The following CACNA1E variants were observed in gnomAD, a reference collection of about 807,000 sequenced individuals.
CACNA1E encodes the protein calcium voltage-gated channel subunit alpha1 E.
In CACNA1E, 40 loss-of-function variants were observed where a neutral mutation model predicts 259.2. The ratio of observed to expected loss-of-function variants is 0.15; its 90% CI spans 0.12 to 0.20. The LOEUF (loss-of-function observed/expected upper bound fraction) is 0.20. Ranked by LOEUF, CACNA1E falls within the 10% of genes least tolerant of loss-of-function variation. The pLI, the probability that CACNA1E is intolerant of heterozygous loss-of-function variation, is 1.00. For synonymous variants in CACNA1E, 1,104 were observed against 1,138.5 expected (o/e 0.97, Z 0.61); for missense variants, 1,874 against 3,040.1 (o/e 0.62, Z 9.02).
chr1:181,568,607 T>C (rs376270503), intron 3 of CACNA1E, among the ~76,000 whole-genome samples: 4 of 143,124 alleles, frequency 2.8e-5, no homozygotes, highest in East Asian at 2.0e-4. Flanking sequence ...TTCATTCATT[T>C]ATTTTTGAGA....
chr1:181,716,090 G>A lies in CACNA1E; in HGVS notation c.1276G>A (p.Asp426Asn). 1 of 1,573,002 alleles carries A rather than the reference G, an allele frequency of 6.4e-7. No individual in the cohort carries two copies. Among genetic ancestry groups the A allele is most frequent in the Non-Finnish European group, 8.6e-7 (1 of 1,158,532 alleles). Residue 426 changes from aspartate to asparagine, a missense_variant, in exon 10 of 48, where the codon GAC becomes AAC. Physicochemically the swap from Asp to Asn is conservative, Grantham distance 23. Coordinates refer to ENST00000367573, the MANE Select transcript of CACNA1E (RefSeq NM_001205293.3). ...GAGCCGGACAGAGGCCATGACTCGA[G>A]ACTCCAGTGATGAGCACTGTGTTGA... ...KRSRTEAMTR[D>N]SSDEHCVDIS...
In CACNA1E at chr1:181,732,215, C is replaced by T. The variant is rs541977982; in HGVS notation, c.2298-169C>T. 2.6e-4 allele frequency among the ~76,000 whole-genome samples: 40 copies of T among 152,296 alleles called. No homozygotes were observed. The highest frequency in any genetic ancestry group is 1.4e-3 in the South Asian group (7 of 4,828). Reference sequence around the variant, plus strand: ...AGGCACCTGCCTGATGAGCTCCTCACGTGTGGCCCGCCTGCTCCTCGCATC... The same window carrying T: ...AGGCACCTGCCTGATGAGCTCCTCATGTGTGGCCCGCCTGCTCCTCGCATC... On this transcript the variant is annotated intron_variant, in intron 19 of 47. Coordinates refer to ENST00000367573, the MANE Select transcript of CACNA1E (RefSeq NM_001205293.3). The surrounding 1 kb of genome is among the most constrained non-coding windows in gnomAD (Gnocchi z 5.5).
intron 18 of CACNA1E, among the ~76,000 whole-genome samples, chr1:181,730,798 G>A (rs563607921): frequency 2.0e-5 from 3 of 152,324 alleles, no homozygotes; most frequent in Middle Eastern, 6.8e-3. Context: ...ACTCGGGGGA[G>A]GGGAAGAAAA....
chr1:181,646,189 G>A (rs1452446404), intron 6 of CACNA1E, among the ~76,000 whole-genome samples: 1 of 152,212 alleles, frequency 6.6e-6, no homozygotes, highest in Non-Finnish European at 1.5e-5. Context: ...ATCTCTCCTC[G>A]AGATGGAGCC....
chr1:181,548,892 T>C (rs1161406361), intron 3 of CACNA1E, among the ~76,000 whole-genome samples: 3 of 152,238 alleles, frequency 2.0e-5, no homozygotes, highest in Non-Finnish European at 4.4e-5. Context: ...ATGGGATTTT[T>C]ATTGTTTTCT....
chr1:181,794,672 C>CATAAT (rs2102891310), intron 45 of CACNA1E, among the ~76,000 whole-genome samples, 192 bp from the exon 46 acceptor site: 1 of 152,320 alleles, frequency 6.6e-6, no homozygotes, highest in Non-Finnish European at 1.5e-5. Context: ...ACTATATTAA[C>CATAAT]ATAATGTAAG....
At chr1:181,702,276 G>A (rs1652346312) in intron 7 of CACNA1E, among the ~76,000 whole-genome samples, 1 of 151,904 alleles carries the variant, frequency 6.6e-6, no homozygotes. Context: ...TCGTCCACCA[G>A]CCAGCAAGTC....
At chr1:181,744,646 G>A (rs970840992) in intron 25 of CACNA1E, among the ~76,000 whole-genome samples, 7 of 152,266 alleles carry the variant, frequency 4.6e-5, no homozygotes, top group African/African-American at 9.6e-5. Context: ...AACCTCCAGC[G>A]TTGCCTATGG....
rs147689269 is a variant in CACNA1E, at chr1:181,642,329, G to A, written c.952-9009G>A. On this transcript the variant is annotated intron_variant, in intron 6 of 47. Coordinates refer to ENST00000367573, the MANE Select transcript of CACNA1E (RefSeq NM_001205293.3). ...GGAAATAGTGATTTGTTAGTAAGAG[G>A]GGAGAGGGGAACATCAGGAAAAGCA... is the stretch of plus-strand genomic sequence containing the variant. Among the ~76,000 whole-genome samples, 549 of 152,262 alleles carry A rather than the reference G, an allele frequency of 3.6e-3. 2 individuals are homozygous for A. The highest frequency in any genetic ancestry group is 0.013 in the African/African-American group (524 of 41,534).
At chr1:181,534,679 G>A (rs1668036691) in intron 3 of CACNA1E, among the ~76,000 whole-genome samples, 1 of 151,934 alleles carries the variant, frequency 6.6e-6, no homozygotes, top group African/African-American at 2.4e-5. Context: ...AAGAAAAGAA[G>A]TAGTAGGCAA....
chr1:181,351,213 C>T (rs962903523), intron 1 of CACNA1E, among the ~76,000 whole-genome samples: 8 of 152,148 alleles, frequency 5.3e-5, no homozygotes, highest in African/African-American at 1.4e-4. Context: ...ACTCCTGAGC[C>T]GTGGGGGGAT....
chr1:181,778,920 T>C (rs1388960498), intron 38 of CACNA1E, among the ~76,000 whole-genome samples: 2 of 152,242 alleles, frequency 1.3e-5, no homozygotes, highest in African/African-American at 4.8e-5. Context: ...TGCTCCTTGC[T>C]AATTAGCCTA....
chr1:181,793,398 G>C (rs141962136), intron 44 of CACNA1E, among the ~76,000 whole-genome samples: 3 of 152,250 alleles, frequency 2.0e-5, no homozygotes, highest in African/African-American at 4.8e-5. Flanking sequence ...AATAAAATCT[G>C]AATCATTGCT....
intron 2 of CACNA1E, among the ~76,000 whole-genome samples, chr1:181,422,621 G>C (rs1249352027): frequency 6.6e-6 from 1 of 152,178 alleles, no homozygotes; most frequent in Admixed American, 6.5e-5. Context: ...TCCAACCTTT[G>C]TGGGCCTCAT....
intron 6 of CACNA1E, among the ~76,000 whole-genome samples, chr1:181,616,900 G>GT (rs1655270758): frequency 1.3e-5 from 2 of 152,104 alleles, no homozygotes; most frequent in Admixed American, 6.6e-5. Context: ...GTCAATTACT[G>GT]TAAGTTATTT....
At chr1:181,712,204 A>C (rs1283810636) in intron 8 of CACNA1E, among the ~76,000 whole-genome samples, 1 of 151,908 alleles carries the variant, frequency 6.6e-6, no homozygotes, top group African/African-American at 2.4e-5. Context: ...GGCATCAATC[A>C]CCCCCATATT....
At chr1:181,503,209 G>A (rs189163924) in intron 1 of CACNA1E, among the ~76,000 whole-genome samples, 18 of 152,346 alleles carry the variant, frequency 1.2e-4, no homozygotes, top group Non-Finnish European at 5.9e-5. Context: ...CGTCCCTCCA[G>A]GACAGATGTA....
intron 1 of CACNA1E, among the ~76,000 whole-genome samples, chr1:181,381,344 G>A (rs1166770619): frequency 6.6e-6 from 1 of 152,162 alleles, no homozygotes; most frequent in Non-Finnish European, 1.5e-5. Flanking sequence ...ATTGATATGA[G>A]CTACAACATG....
At chr1:181,394,201 C>T (rs899868564) in intron 1 of CACNA1E, among the ~76,000 whole-genome samples, 22 of 152,206 alleles carry the variant, frequency 1.4e-4, no homozygotes, top group African/African-American at 4.6e-4. Context: ...GGGTTCAAAT[C>T]AGAGTTTGCC....
Sources: allele counts gnomAD v4.1 joint callset (sites outside exome capture counted in the v4.1 genomes callset), GRCh38; gene constraint gnomAD v4.1.1; non-coding constraint Gnocchi (gnomAD v3.1); transcripts MANE v1.5; gene names NCBI Gene and HGNC (gene_info 2026-07-23, HGNC 2026-07-21).